PDZD8: variants seen among roughly 807,000 people sequenced by gnomAD.
The protein encoded by PDZD8 is PDZ domain-containing protein 8.
PDZD8 carries 14 observed loss-of-function variants against 85.8 expected under a neutral mutation model. The ratio of observed to expected loss-of-function variants is 0.16; its 90% CI spans 0.11 to 0.26. The LOEUF is 0.26. Among genes scored for constraint, PDZD8 ranks in the 10% least tolerant of loss-of-function variants. The pLI is 1.00. For missense variants in PDZD8, 1,197 were observed against 1,424.3 expected (o/e 0.84, Z 2.57); for synonymous variants, 592 against 568.6 (o/e 1.04, Z -0.59).
At chr10:117,356,973 C>G (rs1427460863) in intron 1 of PDZD8, among the ~76,000 whole-genome samples, 1 of 152,048 alleles carries the variant, frequency 6.6e-6, no homozygotes, top group Admixed American at 6.6e-5. Flanking sequence ...TACAGACAAA[C>G]TTTTTTTCCC....
At position 117,285,014 on chromosome 10, in the gene PDZD8, T is replaced by G. The variant is rs750160475; in HGVS notation, c.1719A>C (p.Thr573=). 5.6e-6 allele frequency: 9 copies of G among 1,614,038 alleles called. No homozygotes were observed. The African/African-American group carries it at 8.0e-5, about 14-fold the overall frequency. Residue 573 remains threonine, a synonymous_variant, in exon 5 of 5, where the codon ACA becomes ACC. Coordinates refer to ENST00000334464, the MANE Select transcript of PDZD8 (RefSeq NM_173791.5). ...TTGGTTTTGACACTTGTGCTGGGTC[T>G]GTTATCTCAGAAGTTTTTAGGGGTG... is the stretch of plus-strand genomic sequence containing the variant. ...KPPPLKTSEI[T]DPAQVSKPTQ...
intron 3 of PDZD8, among the ~76,000 whole-genome samples, chr10:117,303,418 C>A (rs988633116): frequency 1.3e-5 from 2 of 152,106 alleles, no homozygotes; most frequent in African/African-American, 4.8e-5. Context: ...CTGTTAAAGA[C>A]ATTTGGTTTT....
intron 2 of PDZD8, 62 bp downstream of exon 2, chr10:117,340,918 T>A: frequency 6.4e-7 from 1 of 1,568,406 alleles, no homozygotes; most frequent in Middle Eastern, 1.7e-4. Flanking sequence ...AAATACTGCT[T>A]AGGAATATTT....
intron 2 of PDZD8, among the ~76,000 whole-genome samples, chr10:117,338,312 T>A (rs1203378251): frequency 6.6e-6 from 1 of 152,228 alleles, no homozygotes; most frequent in African/African-American, 2.4e-5. Context: ...AACTTTTACA[T>A]GCTTGGATTT....
chr10:117,362,090 T>C (rs908796993), intron 1 of PDZD8, among the ~76,000 whole-genome samples: 3 of 152,132 alleles, frequency 2.0e-5, no homozygotes, highest in African/African-American at 7.2e-5. Flanking sequence ...TTTTTCCCTA[T>C]CCAAATAAAA....
rs10424 is a variant in PDZD8, at chr10:117,283,368, T to C, written c.3365A>G (p.Asp1122Gly). 1.9e-6 allele frequency: 3 copies of C among 1,614,120 alleles called. No homozygotes were observed. The Admixed American group carries it at 5.0e-5, about 27-fold the overall frequency. Residue 1122 changes from aspartate (D) to glycine (G), a missense_variant, in exon 5 of 5, where the codon GAT becomes GGT. Physicochemically the swap from Asp to Gly is moderately conservative, Grantham distance 94. Coordinates refer to ENST00000334464, the MANE Select transcript of PDZD8 (RefSeq NM_173791.5). The part of the protein sequence containing the change: ...HSKKISKYTD[D>G]TEEDLDNEIS... ...TTCATTATCAAGGTCTTCTTCTGTA[T>C]CATCTGTGTACTTGCTTATTTTTTT... is the stretch of plus-strand genomic sequence containing the variant.
intron 1 of PDZD8, among the ~76,000 whole-genome samples, chr10:117,369,945 G>C (rs1057357743): frequency 6.6e-6 from 1 of 151,978 alleles, no homozygotes; most frequent in South Asian, 2.1e-4. Context: ...ACAAGCATCC[G>C]TAAGAATCTC....
At chr10:117,328,589 C>T (rs1564701281) in intron 2 of PDZD8, among the ~76,000 whole-genome samples, 3 of 151,296 alleles carry the variant, frequency 2.0e-5, no homozygotes, top group African/African-American at 7.3e-5. Flanking sequence ...TTTTTTTTTT[C>T]TATGTTTTTG....
chr10:117,366,193 A>G (rs767030784), intron 1 of PDZD8, among the ~76,000 whole-genome samples: 102 of 152,340 alleles, frequency 6.7e-4, no homozygotes, highest in Non-Finnish European at 1.1e-3. Flanking sequence ...TATTGATTTC[A>G]GCATGTTAGT....
Position 117,290,177 on chromosome 10 carries a change from C to CA in PDZD8, c.1261+8dup. 6.2e-7 allele frequency: 1 copy of CA among 1,610,544 alleles called. No individual in the cohort carries two copies. The highest frequency in any genetic ancestry group is 8.5e-7 in the Non-Finnish European group (1 of 1,178,492). On this transcript the variant is annotated intron_variant, in intron 4 of 4. Transcript: ENST00000334464. ...AAAGGTAAAGTATAATGCATATTAG[C>CA]ATAATTACCTCCAATGGCGATAAGT...
chr10:117,311,373 G>A (rs556428122), intron 3 of PDZD8, among the ~76,000 whole-genome samples: 1 of 152,204 alleles, frequency 6.6e-6, no homozygotes, highest in South Asian at 2.1e-4. Flanking sequence ...TAAAAGTCAC[G>A]CTAAAACTTT....
chr10:117,335,270 T>A (rs1844497441), intron 2 of PDZD8, among the ~76,000 whole-genome samples: 1 of 152,016 alleles, frequency 6.6e-6, no homozygotes, highest in South Asian at 2.1e-4. Flanking sequence ...AAGCAAAAAA[T>A]GAGTTAATTT....
At chr10:117,355,610 G>A (rs1357071959) in intron 1 of PDZD8, among the ~76,000 whole-genome samples, 4 of 151,740 alleles carry the variant, frequency 2.6e-5, no homozygotes, top group African/African-American at 4.9e-5. Flanking sequence ...TCTGAGACTC[G>A]GTTTCCTCAG....
chr10:117,344,814 C>G (rs541841027), intron 1 of PDZD8, among the ~76,000 whole-genome samples: 2 of 152,350 alleles, frequency 1.3e-5, no homozygotes, highest in African/African-American at 4.8e-5. Flanking sequence ...TCACCTGTTA[C>G]TTCCAGGCAA....
intron 2 of PDZD8, among the ~76,000 whole-genome samples, chr10:117,322,536 G>GT (rs1844243476): frequency 6.6e-6 from 1 of 152,158 alleles, no homozygotes; most frequent in Non-Finnish European, 1.5e-5. Context: ...GTAACCGACA[G>GT]TGGTTGAACT....
chr10:117,282,014 A>G lies in PDZD8; in HGVS notation c.*1254T>C, dbSNP rs986470849. On this transcript the variant is annotated 3_prime_UTR_variant, in exon 5 of 5. Transcript: ENST00000334464. The stretch of plus-strand genomic sequence containing the variant: ...TTTCCCTCAGTCAAATGTTACTGGG[A>G]CCCGTAAAATGGACCCAGTGTGAGT... 2.0e-5 allele frequency: 3 copies of G among 152,190 alleles called. No individual in the cohort carries two copies. The highest frequency in any genetic ancestry group is 2.0e-4 in the Admixed American group (3 of 15,278). The allele number at this position is 152,190 out of a possible 1,614,324, so 9.4% of individuals were successfully genotyped here.
At position 117,284,210 on chromosome 10, in the gene PDZD8, G is replaced by A; in HGVS notation, c.2523C>T (p.His841=). The part of the protein sequence containing the change: ...VGQMGLTENK[H]SFQDTQFQNP... ...TCTGGAACTGAGTATCCTGAAAACT[G>A]TGTTTGTTTTCTGTTAAACCCATCT... The change falls in exon 5 of 5, where the codon CAC becomes CAT. Residue 841 remains histidine, a synonymous_variant. Transcript: ENST00000334464. 6.2e-7 allele frequency: 1 copy of A among 1,614,170 alleles called. No homozygotes were observed. Among genetic ancestry groups the A allele is most frequent in the Non-Finnish European group, 8.5e-7 (1 of 1,180,018 alleles).
At chr10:117,350,081 ATTAAC>A (rs1346562745) in intron 1 of PDZD8, among the ~76,000 whole-genome samples, 1 of 152,150 alleles carries the variant, frequency 6.6e-6, no homozygotes, top group African/African-American at 2.4e-5. Context: ...CATTATATTA[ATTAAC>A]TTAATTCCCA....
chr10:117,308,489 T>C (rs933191443), intron 3 of PDZD8, among the ~76,000 whole-genome samples: 1 of 152,128 alleles, frequency 6.6e-6, no homozygotes, highest in Non-Finnish European at 1.5e-5. Flanking sequence ...TAATAATAGA[T>C]ATTATGTGCC....
Sources: gnomAD v4.1 joint callset for allele counts (sites outside exome capture counted in the v4.1 genomes callset) on GRCh38, gnomAD v4.1.1 for gene constraint, MANE v1.5 for transcripts, NCBI Gene and HGNC (gene_info 2026-07-23, HGNC 2026-07-21) for gene names.